The following WDPCP variants were observed in gnomAD, a reference collection of about 807,000 sequenced individuals.
The protein encoded by WDPCP is WD repeat containing planar cell polarity effector.
Under a neutral mutation model 93.1 loss-of-function variants are expected in WDPCP, and 71 were observed. The observed-to-expected ratio is 0.76, with a 90% CI of 0.63 to 0.93. The LOEUF is 0.93. WDPCP is among the 40% of genes least tolerant of loss of function. The pLI is 0.00. For missense variants in WDPCP, 844 were observed against 887.4 expected, an observed-to-expected ratio of 0.95 and a Z score of 0.62; for synonymous variants, 315 against 315.0, an observed-to-expected ratio of 1.00 and a Z score of 0.00.
chr2:63,503,354 C>T (rs948297592), intron 1 of WDPCP, among the ~76,000 whole-genome samples: 1 of 152,146 alleles, frequency 6.6e-6, no homozygotes, highest in Non-Finnish European at 1.5e-5. Context: ...TTTGCTAATG[C>T]TCATTTTAAA....
intron 1 of WDPCP, among the ~76,000 whole-genome samples, chr2:63,519,449 C>T (rs554159012): frequency 3.9e-5 from 6 of 152,306 alleles, no homozygotes; most frequent in African/African-American, 1.2e-4. Flanking sequence ...CAAATGCAAA[C>T]GGGCATGGAT....
intron 15 of WDPCP, among the ~76,000 whole-genome samples, chr2:63,162,096 C>T: frequency 6.6e-6 from 1 of 152,108 alleles, no homozygotes; most frequent in East Asian, 1.9e-4. Flanking sequence ...TTAGATGGAA[C>T]AAAGTCAGTC....
At chr2:63,540,065 A>AG in intron 1 of WDPCP, among the ~76,000 whole-genome samples, 1 of 152,168 alleles carries the variant, frequency 6.6e-6, no homozygotes, top group East Asian at 1.9e-4. Flanking sequence ...CTACATAGAA[A>AG]CTTTTCGGTA....
chr2:63,211,937 T>C (rs1208415078), intron 14 of WDPCP, among the ~76,000 whole-genome samples: 2 of 152,006 alleles, frequency 1.3e-5, no homozygotes, highest in African/African-American at 4.8e-5. Flanking sequence ...TAAAAAGAAA[T>C]GAACAAAGCC....
intron 14 of WDPCP, among the ~76,000 whole-genome samples, chr2:63,202,324 T>C (rs1675977063): frequency 6.6e-6 from 1 of 152,106 alleles, no homozygotes; most frequent in African/African-American, 2.4e-5. Context: ...TTTTTCTCTA[T>C]TGTTTCTGTT....
chr2:63,238,917 G>A (rs1421532447), intron 14 of WDPCP, among the ~76,000 whole-genome samples: 1 of 152,112 alleles, frequency 6.6e-6, no homozygotes, highest in Non-Finnish European at 1.5e-5. Context: ...CAACCAATTT[G>A]TAGAGTTTGC....
chr2:63,174,953 CA>C, intron 14 of WDPCP, 121 bp from the exon 15 acceptor site: 8 of 1,106,190 alleles, frequency 7.2e-6, no homozygotes, highest in Non-Finnish European at 1.1e-5. Context: ...TTGTCAATTT[CA>C]AAATCTTGTT....
chr2:63,330,291 G>A (rs548276275), intron 12 of WDPCP, among the ~76,000 whole-genome samples: 2 of 152,124 alleles, frequency 1.3e-5, no homozygotes, highest in Non-Finnish European at 2.9e-5. Flanking sequence ...GATGTAAGGT[G>A]TTATCTCTTT....
At chr2:63,595,743 G>A (rs1191088912) in intron 3 of WDPCP, among the ~76,000 whole-genome samples, 1 of 151,928 alleles carries the variant, frequency 6.6e-6, no homozygotes, top group African/African-American at 2.4e-5. Context: ...TTTCCCCAAT[G>A]TGTGTGTGTA....
At chr2:63,789,803 A>G (rs752472785) in intron 2 of WDPCP, among the ~76,000 whole-genome samples, 1 of 152,218 alleles carries the variant, frequency 6.6e-6, no homozygotes, top group African/African-American at 2.4e-5. Context: ...TTTGAAGAAT[A>G]TGGTTACTCA....
At chr2:63,182,599 T>C (rs1049216622) in intron 14 of WDPCP, among the ~76,000 whole-genome samples, 1 of 151,932 alleles carries the variant, frequency 6.6e-6, no homozygotes, top group African/African-American at 2.4e-5. Context: ...TGGTCTATAG[T>C]TTTCATTTTT....
chr2:63,271,606 T>C (rs994663557), intron 13 of WDPCP, among the ~76,000 whole-genome samples: 1 of 152,174 alleles, frequency 6.6e-6, no homozygotes, highest in South Asian at 2.1e-4. Flanking sequence ...GGGAGGGGGC[T>C]TGAAAACAGG....
intron 12 of WDPCP, among the ~76,000 whole-genome samples, chr2:63,344,808 C>T (rs773868533): frequency 6.6e-6 from 1 of 152,100 alleles, no homozygotes; most frequent in East Asian, 1.9e-4. Context: ...AATACACAAC[C>T]ACAGTTTCTG....
chr2:63,681,036 T>C (rs1710486466), intron 2 of WDPCP, among the ~76,000 whole-genome samples: 1 of 152,064 alleles, frequency 6.6e-6, no homozygotes, highest in African/African-American at 2.4e-5. Context: ...AAACCAGCAA[T>C]GATACCCTAG....
Position 63,437,867 on chromosome 2 carries a change from T to C in WDPCP, c.500-313A>G, listed in dbSNP as rs1353061080. On this transcript the variant is annotated intron_variant, in intron 7 of 17. Transcript: ENST00000272321. Reference sequence around the variant, plus strand: ...TTTAAAAAACTATTTCGCACCTGAATGTAGAGACGAAAACATTCCATTTTA... The same window carrying C: ...TTTAAAAAACTATTTCGCACCTGAACGTAGAGACGAAAACATTCCATTTTA... 2.5e-6 allele frequency: 4 copies of C among 1,598,824 alleles called. No homozygotes were observed. Among genetic ancestry groups the C allele is most frequent in the Middle Eastern group, 3.3e-4 (2 of 5,998 alleles).
intron 12 of WDPCP, among the ~76,000 whole-genome samples, chr2:63,361,936 T>G (rs992891442): frequency 5.3e-5 from 8 of 152,288 alleles, no homozygotes; most frequent in Non-Finnish European, 1.2e-4. Context: ...TTCCCACTTT[T>G]TAAAAATTGA....
chr2:63,622,779 A>T (rs544242330), intron 3 of WDPCP: 72 of 1,612,370 alleles, frequency 4.5e-5, no homozygotes, highest in Non-Finnish European at 5.8e-5. Flanking sequence ...GGCGGCGAAC[A>T]CTTGGTCCCA....
chr2:63,461,462 A>C, intron 6 of WDPCP, among the ~76,000 whole-genome samples: 1 of 152,176 alleles, frequency 6.6e-6, no homozygotes, highest in East Asian at 1.9e-4. Flanking sequence ...CCAGAAGCCA[A>C]GCAGATGCCA....
intron 3 of WDPCP, among the ~76,000 whole-genome samples, chr2:63,644,729 A>C (rs561407928): frequency 1.3e-5 from 2 of 152,144 alleles, no homozygotes; most frequent in East Asian, 3.9e-4. Context: ...TTCATGGTTC[A>C]ATCTTGGTAT....
Sources: gnomAD v4.1 joint callset for allele counts (sites outside exome capture counted in the v4.1 genomes callset) on GRCh38, gnomAD v4.1.1 for gene constraint, MANE v1.5 for transcripts, NCBI Gene and HGNC (gene_info 2026-07-23, HGNC 2026-07-21) for gene names.